The following PTPRD variants were observed in gnomAD, a reference collection of about 807,000 sequenced individuals.
The protein encoded by PTPRD is protein tyrosine phosphatase receptor type D.
PTPRD carries 34 observed loss-of-function variants against 214.5 expected under a neutral mutation model. That is an observed-to-expected ratio of 0.16 (90% confidence interval 0.12 to 0.21). The LOEUF (loss-of-function observed/expected upper bound fraction) is 0.21. PTPRD is among the 10% of genes least tolerant of loss of function. The probability of loss-of-function intolerance (pLI) is 1.00; values close to 1 mark genes in which losing one functional copy is unlikely to be tolerated. For missense variants in PTPRD, 2,545 were observed against 2,398.7 expected, an observed-to-expected ratio of 1.06 and a Z score of -1.27; for synonymous variants, 1,128 against 845.7, an observed-to-expected ratio of 1.33 and a Z score of -5.79.
chr9:10,467,336 C>T (rs948406333), intron 2 of PTPRD, among the ~76,000 whole-genome samples: 1 of 152,106 alleles, frequency 6.6e-6, no homozygotes, highest in Non-Finnish European at 1.5e-5. Context: ...CTGCATAATT[C>T]CTGGAACAGC....
At chr9:8,460,643 A>C (rs2096371691) in intron 32 of PTPRD, 72 bp from the exon 33 acceptor site, 3 of 1,475,018 alleles carry the variant, frequency 2.0e-6, no homozygotes, top group Non-Finnish European at 2.8e-6. Context: ...ACATTAGAAG[A>C]AGCAAAAAAT....
intron 9 of PTPRD, among the ~76,000 whole-genome samples, chr9:9,214,015 C>A (rs1217434596): frequency 6.6e-6 from 1 of 152,116 alleles, no homozygotes; most frequent in Non-Finnish European, 1.5e-5. Flanking sequence ...TTTGGTGGAA[C>A]AACAGATAAA....
chr9:8,812,915 CTGA>C (rs2096840917), intron 11 of PTPRD, among the ~76,000 whole-genome samples: 1 of 151,984 alleles, frequency 6.6e-6, no homozygotes, highest in Admixed American at 6.6e-5. Context: ...CTAATCTCTC[CTGA>C]TGGAGTGACT....
intron 11 of PTPRD, among the ~76,000 whole-genome samples, chr9:8,819,888 G>C (rs2097012973): frequency 6.6e-6 from 1 of 152,060 alleles, no homozygotes; most frequent in Non-Finnish European, 1.5e-5. Context: ...CCTGTGTCTT[G>C]TTCTCCTTGT....
At chr9:10,383,761 A>C (rs1245565222) in intron 2 of PTPRD, among the ~76,000 whole-genome samples, 1 of 151,816 alleles carries the variant, frequency 6.6e-6, no homozygotes, top group Non-Finnish European at 1.5e-5. Context: ...CTTCAAAAGA[A>C]ACACAGGCAC....
intron 7 of PTPRD, among the ~76,000 whole-genome samples, chr9:9,718,321 G>A (rs1331817362): frequency 1.3e-5 from 2 of 152,190 alleles, no homozygotes; most frequent in Non-Finnish European, 2.9e-5. Context: ...ATGCATTGAA[G>A]TAAAAAATAA....
At chr9:10,230,200 T>C (rs928610997) in intron 3 of PTPRD, among the ~76,000 whole-genome samples, 1 of 152,036 alleles carries the variant, frequency 6.6e-6, no homozygotes. Flanking sequence ...ATCCCTCCCT[T>C]GCAGTCCTTG....
chr9:10,187,984 T>A (rs1393544568), intron 3 of PTPRD, among the ~76,000 whole-genome samples: 4 of 152,232 alleles, frequency 2.6e-5, no homozygotes, highest in Non-Finnish European at 4.4e-5. Flanking sequence ...ATTATTTAGT[T>A]TGACATTGAG....
At chr9:9,658,982 A>C (rs1180864802) in intron 7 of PTPRD, among the ~76,000 whole-genome samples, 1 of 152,134 alleles carries the variant, frequency 6.6e-6, no homozygotes, top group African/African-American at 2.4e-5. Flanking sequence ...AAACTATCAA[A>C]ACATTCTACT....
chr9:9,962,881 C>T (rs745915154), intron 4 of PTPRD, among the ~76,000 whole-genome samples: 5 of 151,984 alleles, frequency 3.3e-5, no homozygotes, highest in African/African-American at 1.2e-4. Context: ...TGCACCATAA[C>T]TTGAATAAAA....
chr9:9,404,761 T>C (rs994242937), intron 8 of PTPRD, among the ~76,000 whole-genome samples: 1 of 151,986 alleles, frequency 6.6e-6, no homozygotes, highest in Non-Finnish European at 1.5e-5. Flanking sequence ...GTCAAGGGAA[T>C]TGGAGAGTAC....
At chr9:10,181,699 G>A (rs986216657) in intron 3 of PTPRD, among the ~76,000 whole-genome samples, 1 of 151,084 alleles carries the variant, frequency 6.6e-6, no homozygotes, top group Non-Finnish European at 1.5e-5. Flanking sequence ...CATAAGTGAT[G>A]GCCTAAAAAC....
At chr9:9,568,713 T>C (rs1289343876) in intron 8 of PTPRD, among the ~76,000 whole-genome samples, 1 of 151,862 alleles carries the variant, frequency 6.6e-6, no homozygotes, top group African/African-American at 2.4e-5. Flanking sequence ...AATTATAACT[T>C]AATGGGAGGT....
At chr9:8,384,080 C>G (rs1374916127) in intron 37 of PTPRD, among the ~76,000 whole-genome samples, 1 of 152,106 alleles carries the variant, frequency 6.6e-6, no homozygotes, top group East Asian at 1.9e-4. Flanking sequence ...TTAATATACA[C>G]TTACTTAAAA....
At chr9:8,669,269 T>G (rs1403149733) in intron 12 of PTPRD, among the ~76,000 whole-genome samples, 1 of 152,122 alleles carries the variant, frequency 6.6e-6, no homozygotes, top group African/African-American at 2.4e-5. Context: ...ATATGGCATC[T>G]TATCTGTTTT....
At chr9:10,089,398 TA>T (rs1478554371) in intron 3 of PTPRD, among the ~76,000 whole-genome samples, 4 of 151,702 alleles carry the variant, frequency 2.6e-5, no homozygotes, top group African/African-American at 4.8e-5. Context: ...CTTTTTGTTT[TA>T]AAAAAGTATG....
chr9:8,759,854 GTGC>G (rs781361662), intron 11 of PTPRD, among the ~76,000 whole-genome samples: 14 of 152,034 alleles, frequency 9.2e-5, no homozygotes, highest in Non-Finnish European at 1.6e-4. Context: ...TCTTTCCCTT[GTGC>G]TGAAACATTA....
intron 14 of PTPRD, among the ~76,000 whole-genome samples, chr9:8,579,486 C>G (rs550935170): frequency 1.3e-5 from 2 of 152,294 alleles, no homozygotes; most frequent in East Asian, 3.9e-4. Context: ...TTTGTTCACA[C>G]TGACATTTAT....
chr9:9,321,194 T>A (rs973199479), intron 9 of PTPRD, among the ~76,000 whole-genome samples: 13 of 152,214 alleles, frequency 8.5e-5, no homozygotes, highest in Non-Finnish European at 1.6e-4. Flanking sequence ...TTCTGATGTA[T>A]GTGGTACATA....
Sources: allele counts gnomAD v4.1 joint callset (sites outside exome capture counted in the v4.1 genomes callset), GRCh38; gene constraint gnomAD v4.1.1; transcripts MANE v1.5; gene names NCBI Gene and HGNC (gene_info 2026-07-23, HGNC 2026-07-21).